Variants in GDF10 observed in about 807,000 individuals in gnomAD.
GDF10 encodes the protein growth/differentiation factor 10.
GDF10 carries 23 observed loss-of-function variants against 32.1 expected under a neutral mutation model. The ratio of observed to expected loss-of-function variants is 0.72; its 90% CI spans 0.52 to 1.02. The LOEUF is 1.02. GDF10 is among the 50% of genes least tolerant of loss of function. GDF10 has a pLI of 0.00. For synonymous variants in GDF10, 328 were observed against 303.1 expected (o/e 1.08, Z -0.85); for missense variants, 764 against 673.9 (o/e 1.13, Z -1.48).
At chr10:47,305,934 A>G (rs1225213432) in intron 1 of GDF10, among the ~76,000 whole-genome samples, 1 of 152,232 alleles carries the variant, frequency 6.6e-6, no homozygotes, top group African/African-American at 2.4e-5. Flanking sequence ...TTCACAGCAC[A>G]TGATCTTTGT....
chr10:47,300,666 C>A lies in GDF10; in HGVS notation c.15C>A (p.Pro5=), dbSNP rs782199645. MAHV[P]ARTSPGPGPQ... ...CTCACCACGCCATGGCTCATGTCCC[C>A]GCTCGGACCAGCCCGGGACCCGGGC... Residue 5 remains proline, a synonymous_variant, in exon 1 of 3, where the codon CCC becomes CCA. Coordinates refer to ENST00000580279, the MANE Select transcript of GDF10 (RefSeq NM_004962.5). The A allele has an allele frequency of 6.2e-7, 1 of 1,600,108 alleles. No individual in the cohort carries two copies. The highest frequency in any genetic ancestry group is 8.5e-7 in the Non-Finnish European group (1 of 1,175,438).
rs782119749 is a variant in GDF10, at chr10:47,310,008, T to A, written c.532T>A (p.Ser178Thr). The A allele has an allele frequency of 1.9e-6, 3 of 1,609,938 alleles. No individual in the cohort carries two copies. The East Asian group carries it at 6.7e-5, about 36-fold the overall frequency. The change falls in exon 2 of 3, where the codon TCG (serine) becomes ACG (threonine). Residue 178 changes from serine (S) to threonine (T), a missense_variant. By Grantham distance (58) the Ser-to-Thr change is moderately conservative (BLOSUM62 1). Transcript: ENST00000580279. ...CCAGCACCTGCTCTTCCGCAGCCTC[T>A]CGCAGAACACGGCCACACAGGGGCT... ...TRQHLLFRSL[S>T]QNTATQGLLR...
At chr10:47,303,496 C>T (rs781949107) in intron 1 of GDF10, among the ~76,000 whole-genome samples, 13 of 152,158 alleles carry the variant, frequency 8.5e-5, no homozygotes, top group Non-Finnish European at 1.6e-4. Context: ...GTGCTCCCCT[C>T]CTTATAGGAT....
At chr10:47,306,450 C>A (rs139928170) in intron 1 of GDF10, among the ~76,000 whole-genome samples, 28 of 152,340 alleles carry the variant, frequency 1.8e-4, no homozygotes, top group Non-Finnish European at 3.4e-4. Context: ...TTCTCTTGTG[C>A]CCACTTGGGC....
intron 1 of GDF10, among the ~76,000 whole-genome samples, chr10:47,303,859 A>T (rs991848407): frequency 2.0e-5 from 3 of 152,232 alleles, no homozygotes; most frequent in Non-Finnish European, 4.4e-5. Context: ...AGTTGATTTC[A>T]GTTCCCCAAG....
At chr10:47,304,725 G>A (rs1307138447) in intron 1 of GDF10, among the ~76,000 whole-genome samples, 5 of 152,208 alleles carry the variant, frequency 3.3e-5, no homozygotes, top group East Asian at 3.9e-4. Context: ...CATCTTTTAT[G>A]GATTATATTT....
At chr10:47,312,117 T>A (rs2061048617) in intron 2 of GDF10, among the ~76,000 whole-genome samples, 1 of 152,172 alleles carries the variant, frequency 6.6e-6, no homozygotes, top group African/African-American at 2.4e-5. Flanking sequence ...GAAATGTCAA[T>A]GTCCAGCCTG....
intron 1 of GDF10, among the ~76,000 whole-genome samples, chr10:47,302,487 G>A (rs960042068): frequency 6.6e-5 from 10 of 152,200 alleles, no homozygotes; most frequent in Admixed American, 2.6e-4. Flanking sequence ...GCTGCGACAC[G>A]GGTGAGCCTG....
chr10:47,312,828 G>C lies in GDF10; in HGVS notation c.*36G>C, dbSNP rs1555207911. ...GGGTGGAAAGAAGCCACGCCCAGCA[G>C]AGCTGCCTTCTCGGAGCCTTCTGCA... On this transcript the variant is annotated 3_prime_UTR_variant, in exon 3 of 3. Transcript: ENST00000580279. 3.5e-6 allele frequency: 5 copies of C among 1,428,594 alleles called. No homozygotes were observed. Among genetic ancestry groups the C allele is most frequent in the Non-Finnish European group, 4.7e-6 (5 of 1,058,820 alleles). The allele number at this position is 1,428,594 out of a possible 1,614,324, so 88.5% of individuals were successfully genotyped here.
At chr10:47,301,483 C>T (rs1216486261) in intron 1 of GDF10, among the ~76,000 whole-genome samples, 2 of 127,426 alleles carry the variant, frequency 1.6e-5, no homozygotes, top group African/African-American at 8.2e-5. Context: ...AGGACTTCCA[C>T]GGACTGGCAT....
At chr10:47,308,580 G>C (rs1393168788) in intron 1 of GDF10, among the ~76,000 whole-genome samples, 1 of 152,138 alleles carries the variant, frequency 6.6e-6, no homozygotes, top group Non-Finnish European at 1.5e-5. Flanking sequence ...TGCAGATGCT[G>C]TAGGTACAGG....
intron 1 of GDF10, among the ~76,000 whole-genome samples, chr10:47,303,316 C>T (rs1239635373): frequency 3.3e-5 from 5 of 152,324 alleles, no homozygotes; most frequent in African/African-American, 1.2e-4. Context: ...TCCATCCCCA[C>T]AGCCTGCGAT....
chr10:47,303,513 T>A (rs114486559), intron 1 of GDF10, among the ~76,000 whole-genome samples: 1,685 of 152,300 alleles, frequency 0.011, 28 homozygotes, highest in African/African-American at 0.038. Flanking sequence ...GGATTTTTTT[T>A]AATGGAAACT....
At position 47,310,318 on chromosome 10, in the gene GDF10, A is replaced by G. The variant is rs2132226065; in HGVS notation, c.842A>G (p.Asn281Ser). 1.6e-5 allele frequency: 25 copies of G among 1,607,772 alleles called. No individual in the cohort carries two copies. The highest frequency in any genetic ancestry group is 1.7e-4 in the Middle Eastern group (1 of 6,036). Reference protein sequence around the residue: ...AGDPEPRAAPNNSADPRVRRA... With the variant: ...AGDPEPRAAPSNSADPRVRRA... ...GACCCCGAGCCCCGCGCAGCCCCCA[A>G]CAACTCAGCGGACCCCCGCGTGCGC... Residue 281 changes from asparagine (N) to serine (S), a missense_variant, in exon 2 of 3, where the codon AAC becomes AGC. By Grantham distance (46) the Asn-to-Ser change is conservative (BLOSUM62 1). Coordinates refer to ENST00000580279, the MANE Select transcript of GDF10 (RefSeq NM_004962.5).
rs1333618871 is a variant in GDF10 at position 47,310,609 on chromosome 10, G to T, written c.1133G>T (p.Arg378Leu). The T allele has an allele frequency of 8.1e-6, 13 of 1,614,110 alleles. No individual in the cohort carries two copies. Among genetic ancestry groups the T allele is most frequent in the Non-Finnish European group, 1.1e-5 (13 of 1,179,944 alleles). The change falls in exon 2 of 3, where the codon CGG becomes CTG. Residue 378 changes from arginine (R) to leucine (L), a missense_variant. Physicochemically the swap from Arg to Leu is moderately radical, Grantham distance 102 (BLOSUM62 -2). Coordinates refer to ENST00000580279, the MANE Select transcript of GDF10 (RefSeq NM_004962.5). ...TGGGATGAGCCGAGGGTGTGCTCCCGGAGGTACCTGAAGGTGGACTTCGCA... is the reference window on the plus strand; with the variant it reads ...TGGGATGAGCCGAGGGTGTGCTCCCTGAGGTACCTGAAGGTGGACTTCGCA... ...KQWDEPRVCS[R>L]RYLKVDFADI... is the part of the protein sequence containing the mutation.
chr10:47,300,877 G>T lies in GDF10; in HGVS notation c.226G>T (p.Ala76Ser). 1 of 1,588,418 alleles carries T rather than the reference G, an allele frequency of 6.3e-7. No individual in the cohort carries two copies. Among genetic ancestry groups the T allele is most frequent in the Non-Finnish European group, 8.5e-7 (1 of 1,175,312 alleles). Reference protein sequence around the residue: ...TLGPSAQDMVAVHMHRLYEKY... With the variant: ...TLGPSAQDMVSVHMHRLYEKY... ...GGGCCCCAGCGCCCAGGACATGGTCGCTGTCCACATGCACAGGCTCTATGA... is the reference window on the plus strand; with the variant it reads ...GGGCCCCAGCGCCCAGGACATGGTCTCTGTCCACATGCACAGGCTCTATGA... Residue 76 changes from alanine to serine, a missense_variant, in exon 1 of 3, where the codon GCT (alanine) becomes TCT (serine). Transcript: ENST00000580279.
intron 1 of GDF10, among the ~76,000 whole-genome samples, chr10:47,301,897 C>T (rs2061006223): frequency 6.6e-6 from 1 of 152,224 alleles, no homozygotes. Context: ...GAGAGGGAAA[C>T]AAGCCTAGCT....
chr10:47,307,037 C>T (rs1414228633), intron 1 of GDF10, among the ~76,000 whole-genome samples: 5 of 152,246 alleles, frequency 3.3e-5, no homozygotes, highest in South Asian at 4.2e-4. Flanking sequence ...GGACAGTGCT[C>T]TTTAAAACTG....
intron 1 of GDF10, among the ~76,000 whole-genome samples, chr10:47,303,480 C>T (rs1185625663): frequency 5.9e-5 from 9 of 152,182 alleles, no homozygotes; most frequent in African/African-American, 2.2e-4. Context: ...TAAAATGGAG[C>T]TAATAGTGCT....
Sources: allele counts gnomAD v4.1 joint callset (sites outside exome capture counted in the v4.1 genomes callset), GRCh38; gene constraint gnomAD v4.1.1; transcripts MANE v1.5; gene names NCBI Gene and HGNC (gene_info 2026-07-23, HGNC 2026-07-21).